Variants in LANCL3 observed in about 807,000 individuals in gnomAD.
The protein encoded by LANCL3 is lanC-like protein 3.
In LANCL3, 19 loss-of-function variants were observed where a neutral mutation model predicts 26.5. The ratio of observed to expected loss-of-function variants is 0.72; its 90% CI spans 0.50 to 1.05. LANCL3 has a LOEUF of 1.05. Among genes scored for constraint, LANCL3 ranks in the 50% least tolerant of loss-of-function variants. The probability of loss-of-function intolerance (pLI) is 0.00; values close to 1 mark genes in which losing one functional copy is unlikely to be tolerated. For synonymous variants in LANCL3, 160 were observed against 166.6 expected, an observed-to-expected ratio of 0.96 and a Z score of 0.30; for missense variants, 318 against 362.7, an observed-to-expected ratio of 0.88 and a Z score of 1.00.
At chrX:37,626,553 G>A (rs182366178) in intron 1 of LANCL3, among the ~76,000 whole-genome samples, 5 of 111,544 alleles carry the variant, frequency 4.5e-5, no homozygotes, top group East Asian at 5.6e-4. Flanking sequence ...TTTTTTGGCA[G>A]ATGACCCTTA....
At chrX:37,645,075 G>T (rs1354160033) in intron 1 of LANCL3, among the ~76,000 whole-genome samples, 2 of 112,702 alleles carry the variant, frequency 1.8e-5, no homozygotes, top group African/African-American at 6.5e-5. Flanking sequence ...AGAAGAAAGA[G>T]AATAAAATCA....
intron 1 of LANCL3, among the ~76,000 whole-genome samples, chrX:37,628,108 A>G (rs1556423377): frequency 8.9e-6 from 1 of 111,849 alleles, no homozygotes; most frequent in Non-Finnish European, 1.9e-5. Flanking sequence ...TAAATTAGTC[A>G]TAACTTTTTC....
Position 37,684,065 on chromosome X carries a change from C to G in LANCL3, c.*8252C>G, listed in dbSNP as rs1207361279. The G allele has an allele frequency of 8.9e-6, 1 of 112,132 alleles. No individual in the cohort carries two copies. The highest frequency in any genetic ancestry group is 2.8e-4 in the East Asian group (1 of 3,609). The allele number at this position is 112,132 out of a possible 1,213,427, so 9.2% of individuals were successfully genotyped here. A position where few individuals can be genotyped will look rare whatever the true frequency, so the allele number is the denominator to read the frequency against. ...GTGCAGACTAAGAAGGATCAACTTGCAAATGCTCATCAGAATTTAGCTTTT... is the reference window on the plus strand; with the variant it reads ...GTGCAGACTAAGAAGGATCAACTTGGAAATGCTCATCAGAATTTAGCTTTT... On this transcript the variant is annotated 3_prime_UTR_variant, in exon 5 of 5. Transcript: ENST00000378619.
At chrX:37,635,132 T>C (rs1322178549) in intron 1 of LANCL3, among the ~76,000 whole-genome samples, 1 of 111,632 alleles carries the variant, frequency 9.0e-6, no homozygotes, top group African/African-American at 3.3e-5. Context: ...CAGACTTCTT[T>C]GACAGAGATA....
chrX:37,650,735 T>C (rs1556428572), intron 1 of LANCL3, among the ~76,000 whole-genome samples: 2 of 108,855 alleles, frequency 1.8e-5, no homozygotes, highest in African/African-American at 3.4e-5. Flanking sequence ...TCTTTTTTTT[T>C]TCTCTTTTTT....
intron 1 of LANCL3, among the ~76,000 whole-genome samples, chrX:37,628,247 T>G (rs969269169): frequency 1.8e-5 from 2 of 111,326 alleles, no homozygotes; most frequent in Non-Finnish European, 1.9e-5. Context: ...TTTGAGATTT[T>G]CCTGCCCCAA....
intron 1 of LANCL3, among the ~76,000 whole-genome samples, chrX:37,631,972 C>G (rs1250960690): frequency 4.5e-5 from 5 of 110,626 alleles, no homozygotes; most frequent in African/African-American, 1.7e-4. Flanking sequence ...ATTAGGTCTG[C>G]TTGGTGCAGA....
chrX:37,575,308 C>G (rs1355387096), intron 1 of LANCL3, among the ~76,000 whole-genome samples: 1 of 111,368 alleles, frequency 9.0e-6, no homozygotes, highest in Non-Finnish European at 1.9e-5. Flanking sequence ...ACTTATCCCC[C>G]TTTCGTGATT....
chrX:37,585,924 G>T (rs1334206765), intron 1 of LANCL3, among the ~76,000 whole-genome samples: 1 of 111,923 alleles, frequency 8.9e-6, no homozygotes, highest in Non-Finnish European at 1.9e-5. Flanking sequence ...TGTTTTTACA[G>T]TGGCTGGTAC....
At chrX:37,627,885 G>A (rs782413184) in intron 1 of LANCL3, among the ~76,000 whole-genome samples, 2 of 111,622 alleles carry the variant, frequency 1.8e-5, no homozygotes, top group Non-Finnish European at 3.8e-5. Context: ...TTGACCTCAT[G>A]GACCCTGACC....
At chrX:37,633,390 CG>C (rs781935536) in intron 1 of LANCL3, among the ~76,000 whole-genome samples, 164 of 111,250 alleles carry the variant, frequency 1.5e-3, no homozygotes, top group Non-Finnish European at 2.6e-3. Context: ...TCCTGTAGCT[CG>C]GGGTAGTTTG....
intron 1 of LANCL3, among the ~76,000 whole-genome samples, chrX:37,596,028 A>G: frequency 8.9e-6 from 1 of 112,186 alleles, no homozygotes; most frequent in Admixed American, 9.4e-5. Flanking sequence ...TATTTCCAGT[A>G]AGTTTACTTT....
chrX:37,636,091 A>G (rs1925699099), intron 1 of LANCL3, among the ~76,000 whole-genome samples: 1 of 110,932 alleles, frequency 9.0e-6, no homozygotes, highest in Non-Finnish European at 1.9e-5. Flanking sequence ...TAGTTCACTT[A>G]GGATAATGGA....
chrX:37,623,296 G>A (rs185532551), intron 1 of LANCL3, among the ~76,000 whole-genome samples: 1 of 111,885 alleles, frequency 8.9e-6, no homozygotes, highest in Non-Finnish European at 1.9e-5. Context: ...TATAACATAG[G>A]TGTAAATTGA....
chrX:37,639,256 T>C (rs1925799651), intron 1 of LANCL3, among the ~76,000 whole-genome samples: 1 of 101,295 alleles, frequency 9.9e-6, no homozygotes, highest in Non-Finnish European at 2.0e-5. Flanking sequence ...TATACACACA[T>C]ACATATATAT....
At chrX:37,587,681 A>G (rs1924142785) in intron 1 of LANCL3, among the ~76,000 whole-genome samples, 1 of 112,714 alleles carries the variant, frequency 8.9e-6, no homozygotes, top group Non-Finnish European at 1.9e-5. Flanking sequence ...CCGGTTTTCC[A>G]GGTGCCATCT....
intron 1 of LANCL3, among the ~76,000 whole-genome samples, chrX:37,606,634 C>G (rs1924723110): frequency 9.0e-6 from 1 of 111,289 alleles, no homozygotes; most frequent in South Asian, 3.8e-4. Flanking sequence ...TTAACTGTCT[C>G]TATAGCAGAA....
At chrX:37,615,442 G>C (rs782083470) in intron 1 of LANCL3, among the ~76,000 whole-genome samples, 8 of 112,218 alleles carry the variant, frequency 7.1e-5, no homozygotes, top group Admixed American at 5.7e-4. Context: ...ATACAGTGAA[G>C]CTGTAATTAG....
chrX:37,576,408 C>T (rs1247637173), intron 1 of LANCL3, among the ~76,000 whole-genome samples: 1 of 111,408 alleles, frequency 9.0e-6, no homozygotes, highest in African/African-American at 3.3e-5. Flanking sequence ...CGGCTTTCCA[C>T]TGATTGGTGG....
Sources: allele counts gnomAD v4.1 joint callset (sites outside exome capture counted in the v4.1 genomes callset), GRCh38; gene constraint gnomAD v4.1.1; transcripts MANE v1.5; gene names NCBI Gene and HGNC (gene_info 2026-07-23, HGNC 2026-07-21).